The following RGS17 variants were observed in gnomAD, a reference collection of about 807,000 sequenced individuals.
RGS17 encodes regulator of G-protein signaling 17.
A neutral mutation model predicts 25.5 loss-of-function variants in RGS17; 12 were observed. The observed-to-expected ratio is 0.47, with a 90% CI of 0.30 to 0.76. RGS17 has a LOEUF of 0.76. RGS17 is among the 30% of genes least tolerant of loss of function. RGS17 has a pLI of 0.07. For synonymous variants in RGS17, 71 were observed against 76.9 expected (o/e 0.92, Z 0.40); for missense variants, 196 against 242.2 (o/e 0.81, Z 1.27).
chr6:153,037,735 ATTTTAATGC>A (rs927741913), intron 2 of RGS17, among the ~76,000 whole-genome samples: 2 of 152,112 alleles, frequency 1.3e-5, no homozygotes, highest in Non-Finnish European at 2.9e-5. Context: ...ATTTTTTGCT[ATTTTAATGC>A]ATGAAACTTC....
chr6:153,047,117 T>C (rs1776394616), intron 1 of RGS17, among the ~76,000 whole-genome samples: 2 of 152,172 alleles, frequency 1.3e-5, no homozygotes, highest in African/African-American at 4.8e-5. Context: ...TACAATTTTA[T>C]ATGCACCTAA....
chr6:153,111,147 C>T (rs1777463705), intron 1 of RGS17, among the ~76,000 whole-genome samples: 1 of 152,172 alleles, frequency 6.6e-6, no homozygotes, highest in Admixed American at 6.5e-5. Context: ...TGGTCTAGCT[C>T]AGCGGATCCC....
chr6:153,053,731 T>A (rs80128605), intron 1 of RGS17, among the ~76,000 whole-genome samples: 4,795 of 150,954 alleles, frequency 0.032, 378 homozygotes, highest in South Asian at 0.25. Flanking sequence ...TGTTCGAGGC[T>A]GCAGTGACCT....
chr6:153,021,298 C>A (rs1779245741), intron 4 of RGS17, among the ~76,000 whole-genome samples: 2 of 152,114 alleles, frequency 1.3e-5, no homozygotes, highest in South Asian at 4.1e-4. Context: ...TGTGCTCTCT[C>A]CAATGTTAGA....
At chr6:153,018,753 C>T (rs1779210078) in intron 4 of RGS17, among the ~76,000 whole-genome samples, 1 of 152,214 alleles carries the variant, frequency 6.6e-6, no homozygotes, top group South Asian at 2.1e-4. Flanking sequence ...TCTTGTTTAT[C>T]ATCATATCCC....
intron 1 of RGS17, among the ~76,000 whole-genome samples, chr6:153,120,356 T>C (rs1777608303): frequency 6.6e-6 from 1 of 152,242 alleles, no homozygotes; most frequent in African/African-American, 2.4e-5. Context: ...ACATCCTTAT[T>C]TCCCAGACTC....
At chr6:153,090,694 C>T (rs891796409) in intron 1 of RGS17, among the ~76,000 whole-genome samples, 2 of 152,066 alleles carry the variant, frequency 1.3e-5, no homozygotes, top group African/African-American at 4.8e-5. Context: ...CTGTTCTGAG[C>T]AGCATGATTA....
intron 1 of RGS17, among the ~76,000 whole-genome samples, chr6:153,093,770 C>T (rs1777165811): frequency 6.6e-6 from 1 of 152,134 alleles, no homozygotes; most frequent in Non-Finnish European, 1.5e-5. Flanking sequence ...TTGCAGCTTT[C>T]TGGAGACTCA....
At chr6:153,111,700 G>A (rs531367191) in intron 1 of RGS17, among the ~76,000 whole-genome samples, 2 of 152,300 alleles carry the variant, frequency 1.3e-5, no homozygotes, top group East Asian at 3.9e-4. Flanking sequence ...AGCTACAGCT[G>A]GCATCTGGTG....
intron 4 of RGS17, chr6:153,023,272 T>C (rs749750116): frequency 2.6e-6 from 1 of 379,050 alleles, no homozygotes; most frequent in Non-Finnish European, 5.5e-6. Context: ...CCCATAAATG[T>C]TCAGGTGCAC....
At chr6:153,055,782 T>G (rs1020331764) in intron 1 of RGS17, among the ~76,000 whole-genome samples, 3 of 152,192 alleles carry the variant, frequency 2.0e-5, no homozygotes, top group Admixed American at 6.5e-5. Context: ...GGTTTTTCAT[T>G]GTCGTGCATT....
At chr6:153,014,312 G>A (rs560290715) in intron 4 of RGS17, among the ~76,000 whole-genome samples, 3 of 151,932 alleles carry the variant, frequency 2.0e-5, no homozygotes, top group African/African-American at 7.3e-5. Flanking sequence ...GCCCACTGTC[G>A]AGCCCTACTG....
intron 1 of RGS17, among the ~76,000 whole-genome samples, chr6:153,104,731 A>ATTCACTACTG (rs1777353764): frequency 6.6e-6 from 1 of 151,798 alleles, no homozygotes; most frequent in African/African-American, 2.4e-5. Context: ...GGGGGAATTT[A>ATTCACTACTG]TATTTTAAAT....
chr6:153,052,030 T>C (rs1415893), intron 1 of RGS17, among the ~76,000 whole-genome samples: 135,383 of 152,180 alleles, frequency 0.89, 60,458 homozygotes, highest in African/African-American at 0.97. Context: ...GAAGAATGAC[T>C]ACAAAAAAAT....
intron 1 of RGS17, among the ~76,000 whole-genome samples, chr6:153,109,537 T>C (rs1416542116): frequency 6.6e-6 from 1 of 152,206 alleles, no homozygotes; most frequent in South Asian, 2.1e-4. Context: ...ACAGACAATA[T>C]CACGATCAAA....
In RGS17 at chr6:153,033,420, T is replaced by C. The variant is rs933578227; in HGVS notation, c.120-6877A>G. Among the ~76,000 whole-genome samples, 4 of 152,218 alleles carry C rather than the reference T, an allele frequency of 2.6e-5. No individual in the cohort carries two copies. In the South Asian group the frequency reaches 8.3e-4, roughly 32 times the overall value. ...CAGGTCTGAATACAAAGATATACTT[T>C]ACATAATACACGCCAGGCCAAGCAT... On this transcript the variant is annotated intron_variant, in intron 2 of 4. Transcript: ENST00000206262.
At position 153,130,279 on chromosome 6, in the gene RGS17, G is replaced by T. The variant is rs999616090; in HGVS notation, c.-26+845C>A. Among the ~76,000 whole-genome samples, 1 of 152,100 alleles carries T rather than the reference G, an allele frequency of 6.6e-6. No homozygotes were observed. Among genetic ancestry groups the T allele is most frequent in the Non-Finnish European group, 1.5e-5 (1 of 68,010 alleles). On this transcript the variant is annotated intron_variant, in intron 1 of 4. Transcript: ENST00000206262. This position sits in a 1 kb window ranked among gnomAD's most constrained non-coding sequence, Gnocchi z 6.4. ...TTAAACTATGATTCCATCGATCACG[G>T]AAAGACCACCATCACCTACAGCAAA...
chr6:153,027,671 G>C (rs3778245), intron 2 of RGS17, among the ~76,000 whole-genome samples: 1 of 152,080 alleles, frequency 6.6e-6, no homozygotes, highest in Non-Finnish European at 1.5e-5. Context: ...AGCAAAGTGA[G>C]GTGCAGACCC....
intron 1 of RGS17, among the ~76,000 whole-genome samples, chr6:153,110,757 G>T (rs990287804): frequency 1.3e-5 from 2 of 152,192 alleles, no homozygotes; most frequent in African/African-American, 4.8e-5. Flanking sequence ...CATTGCGACT[G>T]CTTAGACAGT....
Sources: allele counts gnomAD v4.1 joint callset (sites outside exome capture counted in the v4.1 genomes callset), GRCh38; gene constraint gnomAD v4.1.1; non-coding constraint Gnocchi (gnomAD v3.1); transcripts MANE v1.5; gene names NCBI Gene and HGNC (gene_info 2026-07-23, HGNC 2026-07-21).